NAALADL2: variants seen among roughly 807,000 people sequenced by gnomAD.
NAALADL2 encodes the protein inactive N-acetylated-alpha-linked acidic dipeptidase-like protein 2.
Under a neutral mutation model 87.2 loss-of-function variants are expected in NAALADL2, and 76 were observed. That is an observed-to-expected ratio of 0.87 (90% CI 0.72 to 1.05). NAALADL2 has a LOEUF of 1.05. NAALADL2 is among the 50% of genes least tolerant of loss of function. The pLI, the probability that NAALADL2 is intolerant of heterozygous loss-of-function variation, is 0.00. For missense variants in NAALADL2, 1,089 were observed against 945.8 expected (o/e 1.15, Z -1.99); for synonymous variants, 354 against 331.0 (o/e 1.07, Z -0.75).
At chr3:175,176,133 A>G (rs1015806271) in intron 2 of NAALADL2, among the ~76,000 whole-genome samples, 24 of 152,156 alleles carry the variant, frequency 1.6e-4, no homozygotes, top group African/African-American at 5.5e-4. Flanking sequence ...CATGGGTAAC[A>G]TAATTGTAAA....
intron 11 of NAALADL2, among the ~76,000 whole-genome samples, chr3:175,691,636 A>G (rs1737060572): frequency 6.6e-6 from 1 of 152,008 alleles, no homozygotes; most frequent in Admixed American, 6.6e-5. Context: ...TGTAGGAAAT[A>G]TATATTAAAA....
At chr3:175,157,096 A>G (rs1732433872) in intron 2 of NAALADL2, among the ~76,000 whole-genome samples, 1 of 150,220 alleles carries the variant, frequency 6.7e-6, no homozygotes. Flanking sequence ...GAAAATTTTT[A>G]GTATGTACTT....
intron 3 of NAALADL2, among the ~76,000 whole-genome samples, chr3:174,823,289 TA>T: frequency 6.6e-6 from 1 of 152,070 alleles, no homozygotes; most frequent in Non-Finnish European, 1.5e-5. Context: ...TTCTTTTCCT[TA>T]AAAAAAGCTT....
chr3:175,090,275 T>G (rs960593189), intron 1 of NAALADL2, among the ~76,000 whole-genome samples: 53 of 152,158 alleles, frequency 3.5e-4, no homozygotes, highest in African/African-American at 1.2e-3. Context: ...ATACCAAGTG[T>G]TCACACTACC....
intron 2 of NAALADL2, among the ~76,000 whole-genome samples, chr3:175,155,662 A>T (rs1400978948): frequency 6.6e-6 from 1 of 152,064 alleles, no homozygotes; most frequent in Non-Finnish European, 1.5e-5. Context: ...ATCCTGTTTT[A>T]ATAAATAGTT....
intron 2 of NAALADL2, among the ~76,000 whole-genome samples, chr3:174,715,520 G>A (rs1362851339): frequency 6.6e-6 from 1 of 152,096 alleles, no homozygotes; most frequent in Non-Finnish European, 1.5e-5. Context: ...ATATGGATAG[G>A]CATTCTCACA....
intron 11 of NAALADL2, among the ~76,000 whole-genome samples, chr3:175,712,133 G>C (rs1740617323): frequency 1.3e-5 from 2 of 151,860 alleles, no homozygotes; most frequent in Non-Finnish European, 1.5e-5. Context: ...GTTATGCCTA[G>C]ATAAGAAGGT....
chr3:175,716,355 AT>A (rs1741286846), intron 11 of NAALADL2, among the ~76,000 whole-genome samples: 1 of 147,008 alleles, frequency 6.8e-6, no homozygotes, highest in Non-Finnish European at 1.5e-5. Context: ...ATATATGTAT[AT>A]GTGTGTGTGT....
chr3:175,323,451 C>A (rs1360198687), intron 4 of NAALADL2, among the ~76,000 whole-genome samples: 1 of 151,278 alleles, frequency 6.6e-6, no homozygotes, highest in East Asian at 2.0e-4. Context: ...AACTAACCTG[C>A]ACAATGTGCA....
At chr3:175,167,817 G>A (rs1311424512) in intron 2 of NAALADL2, among the ~76,000 whole-genome samples, 1 of 151,982 alleles carries the variant, frequency 6.6e-6, no homozygotes, top group Non-Finnish European at 1.5e-5. Context: ...GCCCAAAGTG[G>A]AGCCTCCTTC....
At chr3:174,980,954 T>C (rs9814715) in intron 1 of NAALADL2, among the ~76,000 whole-genome samples, 13,639 of 152,204 alleles carry the variant, frequency 0.09, 1,441 homozygotes, top group African/African-American at 0.25. Context: ...TATGAAAATA[T>C]ATTCAAAACT....
chr3:175,526,976 C>T (rs1733506858), intron 9 of NAALADL2, among the ~76,000 whole-genome samples: 1 of 152,010 alleles, frequency 6.6e-6, no homozygotes, highest in South Asian at 2.1e-4. Context: ...CATTCTTTGC[C>T]CCAATTTTTG....
At chr3:174,525,039 A>G (rs1226745862) in intron 1 of NAALADL2, among the ~76,000 whole-genome samples, 3 of 152,226 alleles carry the variant, frequency 2.0e-5, no homozygotes, top group Non-Finnish European at 4.4e-5. Context: ...AGGCCCTACC[A>G]TATAGTCTGT....
rs867506538 is a variant in NAALADL2 at position 174,606,741 on chromosome 3, C to A, written c.-115+56104C>A. Among the ~76,000 whole-genome samples the A allele has an allele frequency of 8.0e-3, 1,212 of 152,014 alleles. 12 individuals are homozygous for A. Among genetic ancestry groups the A allele is most frequent in the African/African-American group, 0.028 (1,150 of 41,478 alleles). On this transcript the variant is annotated intron_variant, in intron 2 of 3. Transcript: ENST00000434257. The stretch of plus-strand genomic sequence containing the variant: ...GGAGAATGGAACCAAGTTGGAAAAC[C>A]CTCTGCAGGATATTATCCAGGAGAA...
intron 3 of NAALADL2, among the ~76,000 whole-genome samples, chr3:174,847,507 A>G (rs575163166): frequency 2.0e-5 from 3 of 152,318 alleles, no homozygotes; most frequent in Non-Finnish European, 4.4e-5. Flanking sequence ...TTTATGTGCC[A>G]TTAGTTCCCA....
chr3:174,747,273 T>C (rs1734349519), intron 3 of NAALADL2, among the ~76,000 whole-genome samples: 1 of 152,052 alleles, frequency 6.6e-6, no homozygotes, highest in Admixed American at 6.6e-5. Context: ...GCAAAGGACA[T>C]GAACAGACAC....
intron 3 of NAALADL2, among the ~76,000 whole-genome samples, chr3:174,834,876 T>G (rs1249539455): frequency 6.6e-6 from 1 of 151,832 alleles, no homozygotes; most frequent in Non-Finnish European, 1.5e-5. Context: ...GACCTTTAGA[T>G]TTCATTTAAT....
intron 2 of NAALADL2, among the ~76,000 whole-genome samples, chr3:174,674,459 A>G (rs761129281): frequency 2.6e-5 from 4 of 151,882 alleles, no homozygotes; most frequent in Non-Finnish European, 4.4e-5. Context: ...TGTGAAACGG[A>G]GCTTCTTTGT....
intron 11 of NAALADL2, among the ~76,000 whole-genome samples, chr3:175,637,879 T>C (rs779267583): frequency 1.3e-5 from 2 of 152,226 alleles, no homozygotes; most frequent in Non-Finnish European, 2.9e-5. Flanking sequence ...TTATGGACCT[T>C]GGAATTGAAA....
Sources: allele counts gnomAD v4.1 joint callset (sites outside exome capture counted in the v4.1 genomes callset), GRCh38; gene constraint gnomAD v4.1.1; transcripts MANE v1.5; gene names NCBI Gene and HGNC (gene_info 2026-07-23, HGNC 2026-07-21).